ADGRE3: variants seen among roughly 807,000 people sequenced by gnomAD.
The protein encoded by ADGRE3 is EGF-like module receptor 3.
A neutral mutation model predicts 80.1 loss-of-function variants in ADGRE3; 88 were observed. The observed-to-expected ratio is 1.10, with a 90% CI of 0.93 to 1.31. The LOEUF is 1.31. ADGRE3 is among the 40% of genes most tolerant of loss of function. The pLI, the probability that ADGRE3 is intolerant of heterozygous loss-of-function variation, is 0.00. For synonymous variants in ADGRE3, 281 were observed against 294.8 expected (o/e 0.95, Z 0.48); for missense variants, 715 against 776.5 (o/e 0.92, Z 0.94).
At chr19:14,657,623 C>G (rs1040055197) in intron 5 of ADGRE3, among the ~76,000 whole-genome samples, 1 of 151,790 alleles carries the variant, frequency 6.6e-6, no homozygotes, top group Non-Finnish European at 1.5e-5. Context: ...GTTCCAGGAT[C>G]GTCCATATAT....
At chr19:14,608,416 G>T in the ADGRE3 span, among the ~76,000 whole-genome samples, 11 of 152,176 alleles carry the variant, frequency 7.2e-5, no homozygotes, top group Non-Finnish European at 1.6e-4. Flanking sequence ...TGGCATCCTT[G>T]CAGTCCAAGC....
chr19:14,657,554 C>CTA (rs35910733), intron 5 of ADGRE3, among the ~76,000 whole-genome samples: 50,649 of 149,340 alleles, frequency 0.34, 8,987 homozygotes, highest in African/African-American at 0.47. Context: ...ATACCTATAT[C>CTA]TATATATATA....
intron 1 of ADGRE3, among the ~76,000 whole-genome samples, chr19:14,674,236 C>A (rs757132711): frequency 2.0e-4 from 31 of 152,044 alleles, no homozygotes; most frequent in African/African-American, 7.2e-4. Flanking sequence ...GTGGCTCATG[C>A]CTGTAATCCT....
chr19:14,667,156 G>A (rs1173012673), intron 2 of ADGRE3, among the ~76,000 whole-genome samples: 2 of 152,128 alleles, frequency 1.3e-5, no homozygotes, highest in East Asian at 3.9e-4. Flanking sequence ...GTTGTCTGGG[G>A]GAGGCTTGGC....
the ADGRE3 span, among the ~76,000 whole-genome samples, chr19:14,606,718 C>G: frequency 6.6e-6 from 1 of 151,592 alleles, no homozygotes; most frequent in Admixed American, 6.6e-5. Context: ...ACAACACTAC[C>G]AGGAGGTAGC....
intron 15 of ADGRE3, among the ~76,000 whole-genome samples, chr19:14,620,553 T>TATATA (rs1970560103): frequency 4.0e-5 from 1 of 24,888 alleles, no homozygotes; most frequent in Non-Finnish European, 7.1e-5. Flanking sequence ...ATATATTATA[T>TATATA]ATATATATAT....
intron 8 of ADGRE3, among the ~76,000 whole-genome samples, chr19:14,644,526 C>T (rs1412719017): frequency 6.6e-6 from 1 of 151,886 alleles, no homozygotes; most frequent in Non-Finnish European, 1.5e-5. Flanking sequence ...AACCGTGCTG[C>T]CCAGGCTGGT....
chr19:14,614,986 A>G (rs1324735152), downstream of ADGRE3, among the ~76,000 whole-genome samples: 1 of 151,134 alleles, frequency 6.6e-6, no homozygotes, highest in Non-Finnish European at 1.5e-5. Context: ...CCTGGGCTCA[A>G]GTGATCCTCC....
intron 15 of ADGRE3, among the ~76,000 whole-genome samples, chr19:14,623,515 A>G (rs1970651799): frequency 6.6e-6 from 1 of 152,216 alleles, no homozygotes; most frequent in African/African-American, 2.4e-5. Flanking sequence ...ATGGAAGAAC[A>G]GAATACCAGC....
chr19:14,638,639 G>C (rs1319117206), intron 10 of ADGRE3, among the ~76,000 whole-genome samples: 1 of 152,000 alleles, frequency 6.6e-6, no homozygotes. Flanking sequence ...GGCCACCTGG[G>C]CACCAATCCC....
intron 11 of ADGRE3, among the ~76,000 whole-genome samples, chr19:14,636,081 C>CTTTCTCT (rs1555755785): frequency 4.1e-5 from 1 of 24,604 alleles, no homozygotes; most frequent in African/African-American, 1.4e-4. Flanking sequence ...CTTTCCTTTC[C>CTTTCTCT]CTTTCTTTCT....
At chr19:14,606,635 G>T in the ADGRE3 span, among the ~76,000 whole-genome samples, 1 of 144,418 alleles carries the variant, frequency 6.9e-6, no homozygotes, top group African/African-American at 2.6e-5. Flanking sequence ...AGCTGAGATC[G>T]CACCACAGCA....
At chr19:14,613,248 G>T in the ADGRE3 span, among the ~76,000 whole-genome samples, 42,629 of 151,650 alleles carry the variant, frequency 0.28, 6,418 homozygotes, top group Non-Finnish European at 0.34. Context: ...TTGAGACAAG[G>T]TCTCACTCTG....
Position 14,668,813 on chromosome 19 carries a change from T to C in ADGRE3, c.65A>G (p.Gln22Arg), listed in dbSNP as rs1223934454. ...CTCTGAGCACTCACTTTTGGTTTTCTGAGTCACAGCTCCAAAGAGGCTCAG... is the reference window on the plus strand; with the variant it reads ...CTCTGAGCACTCACTTTTGGTTTTCCGAGTCACAGCTCCAAAGAGGCTCAG... ...FLLSLFGAVT[Q>R]KTKTSCAKCP... The change falls in exon 2 of 16, where the codon CAG becomes CGG. Residue 22 changes from glutamine (Q) to arginine (R), a missense_variant. Coordinates refer to ENST00000253673, the MANE Select transcript of ADGRE3 (RefSeq NM_032571.5). The C allele has an allele frequency of 1.9e-6, 3 of 1,614,080 alleles. No homozygotes were observed. The highest frequency in any genetic ancestry group is 1.3e-5 in the African/African-American group (1 of 75,030).
In ADGRE3 at chr19:14,654,471, C is replaced by T. The variant is rs539391079; in HGVS notation, c.577+511G>A. Among the ~76,000 whole-genome samples the T allele has an allele frequency of 1.7e-3, 254 of 151,902 alleles. 1 individual carries two copies. Among genetic ancestry groups the T allele is most frequent in the African/African-American group, 5.9e-3 (244 of 41,416 alleles). ...AAGAGATGGGGGTCTTGCTATGTTG[C>T]CCAGGCCAGTCTTGAGCTCCTGGGC... On this transcript the variant is annotated intron_variant, in intron 6 of 15. Transcript: ENST00000253673.
At chr19:14,665,589 A>G (rs1179372629) in intron 2 of ADGRE3, among the ~76,000 whole-genome samples, 2 of 151,966 alleles carry the variant, frequency 1.3e-5, no homozygotes, top group East Asian at 3.9e-4. Flanking sequence ...TCCTGGGCTC[A>G]AGCGATCCTC....
At position 14,669,592 on chromosome 19, in the gene ADGRE3, G is replaced by A. The variant is rs554188993; in HGVS notation, c.26-740C>T. Among the ~76,000 whole-genome samples, 11 of 152,092 alleles carry A rather than the reference G, an allele frequency of 7.2e-5. No homozygotes were observed. The South Asian group carries it at 1.9e-3, about 26-fold the overall frequency. On this transcript the variant is annotated intron_variant, in intron 1 of 15. Transcript: ENST00000253673. ...CAACCTCCACCTCCCAGGTTCAATC[G>A]ATTCTCCTGCCTTAGCCTCCCGAGT...
At chr19:14,644,472 T>C (rs1486507937) in intron 8 of ADGRE3, among the ~76,000 whole-genome samples, 197 bp from the exon 9 acceptor site, 2 of 151,960 alleles carry the variant, frequency 1.3e-5, no homozygotes, top group African/African-American at 4.8e-5. Context: ...AGACGTGCAG[T>C]ACCACACCAG....
rs1309450870 is a variant in ADGRE3, at chr19:14,647,380, A to C, written c.698-15T>G. ...GGCACTGGGACCTGAGGAAACAGAA[A>C]GATGGAATCTTTTTTCTTTTCTTTT... On this transcript the variant is annotated splice_polypyrimidine_tract_variant and intron_variant, in intron 7 of 15. Coordinates refer to ENST00000253673, the MANE Select transcript of ADGRE3 (RefSeq NM_032571.5). 1 of 1,525,342 alleles carries C rather than the reference A, an allele frequency of 6.6e-7. No homozygotes were observed. Among genetic ancestry groups the C allele is most frequent in the African/African-American group, 1.4e-5 (1 of 70,894 alleles). 94.5% of individuals were successfully genotyped at this position (1,525,342 alleles called of 1,614,324 possible).
Sources: allele counts gnomAD v4.1 joint callset (sites outside exome capture counted in the v4.1 genomes callset), GRCh38; gene constraint gnomAD v4.1.1; transcripts MANE v1.5; gene names NCBI Gene and HGNC (gene_info 2026-07-23, HGNC 2026-07-21).